The following PLPPR1 variants were observed in gnomAD, a reference collection of about 807,000 sequenced individuals.
PLPPR1 encodes phospholipid phosphatase-related protein type 1.
Under a neutral mutation model 33.1 loss-of-function variants are expected in PLPPR1, and 10 were observed. The ratio of observed to expected loss-of-function variants is 0.30; its 90% CI spans 0.19 to 0.51. PLPPR1 has a LOEUF of 0.51. PLPPR1 is among the 20% of genes least tolerant of loss of function. PLPPR1 has a pLI of 0.97. For missense variants in PLPPR1, 304 were observed against 408.1 expected, an observed-to-expected ratio of 0.74 and a Z score of 2.20; for synonymous variants, 151 against 151.0, an observed-to-expected ratio of 1.00 and a Z score of 0.00.
chr9:101,275,205 T>G (rs1392278159), intron 3 of PLPPR1, among the ~76,000 whole-genome samples: 1 of 152,210 alleles, frequency 6.6e-6, no homozygotes, highest in Non-Finnish European at 1.5e-5. Flanking sequence ...TGGACTTGTC[T>G]GTCCTTGGTT....
At position 101,135,927 on chromosome 9, in the gene PLPPR1, T is replaced by C. The variant is rs116144983; in HGVS notation, c.-45-49523T>C. 3.8e-3 allele frequency among the ~76,000 whole-genome samples: 572 copies of C among 152,324 alleles called. 1 individual carries two copies. Among genetic ancestry groups the C allele is most frequent in the African/African-American group, 0.013 (543 of 41,570 alleles). The stretch of plus-strand genomic sequence containing the variant: ...TGTCCATTAACACACCCAAGGTTTA[T>C]TTTAGATGGCTATGCTGGGAAGAGG... On this transcript the variant is annotated intron_variant, in intron 1 of 7. Transcript: ENST00000374874.
chr9:101,238,532 A>G (rs1189244887), intron 2 of PLPPR1, among the ~76,000 whole-genome samples: 1 of 151,430 alleles, frequency 6.6e-6, no homozygotes, highest in Non-Finnish European at 1.5e-5. Flanking sequence ...TAACTCAGAA[A>G]CAAAGTCAAA....
At chr9:101,057,285 A>G (rs1830289609) in intron 1 of PLPPR1, among the ~76,000 whole-genome samples, 1 of 152,188 alleles carries the variant, frequency 6.6e-6, no homozygotes, top group Admixed American at 6.5e-5. Context: ...ATAAGGATGA[A>G]AAACGTGATT....
intron 2 of PLPPR1, among the ~76,000 whole-genome samples, chr9:101,228,831 G>A (rs1210860827): frequency 6.6e-6 from 1 of 152,224 alleles, no homozygotes; most frequent in East Asian, 1.9e-4. Context: ...TTTTGGGAGA[G>A]TAGATTGACT....
intron 2 of PLPPR1, among the ~76,000 whole-genome samples, chr9:101,206,322 T>C (rs553921274): frequency 6.6e-6 from 1 of 152,356 alleles, no homozygotes; most frequent in East Asian, 1.9e-4. Flanking sequence ...TCCAGGTTCA[T>C]ACTCTCAACC....
intron 2 of PLPPR1, among the ~76,000 whole-genome samples, chr9:101,217,222 C>T (rs1286597386): frequency 1.3e-5 from 2 of 151,704 alleles, no homozygotes; most frequent in Admixed American, 6.6e-5. Context: ...GATTCTATCA[C>T]ATTAAAAAAA....
At chr9:101,219,062 T>G (rs533445185) in intron 2 of PLPPR1, among the ~76,000 whole-genome samples, 1 of 152,198 alleles carries the variant, frequency 6.6e-6, no homozygotes, top group Non-Finnish European at 1.5e-5. Context: ...AAACCGGCCA[T>G]GTCATGAACA....
chr9:101,070,320 A>G (rs926163681), intron 1 of PLPPR1, among the ~76,000 whole-genome samples: 6 of 152,138 alleles, frequency 3.9e-5, no homozygotes, highest in African/African-American at 1.4e-4. Context: ...TTATAATCCA[A>G]TACTACTATA....
chr9:101,198,840 T>A (rs1053242851), intron 2 of PLPPR1, among the ~76,000 whole-genome samples: 1 of 152,118 alleles, frequency 6.6e-6, no homozygotes, highest in African/African-American at 2.4e-5. Context: ...AGGCTGGAGC[T>A]TAGAGGATGA....
intron 1 of PLPPR1, among the ~76,000 whole-genome samples, chr9:101,082,676 T>C (rs1830635299): frequency 6.6e-6 from 1 of 152,206 alleles, no homozygotes; most frequent in Non-Finnish European, 1.5e-5. Context: ...ACGATAATGC[T>C]GGTATACTGA....
At chr9:101,135,471 A>T in intron 1 of PLPPR1, among the ~76,000 whole-genome samples, 1 of 152,082 alleles carries the variant, frequency 6.6e-6, no homozygotes, top group East Asian at 1.9e-4. Context: ...TAAATGGTCC[A>T]GTTTTGTTTT....
intron 2 of PLPPR1, among the ~76,000 whole-genome samples, chr9:101,233,854 G>A (rs2118826626): frequency 6.6e-6 from 1 of 152,034 alleles, no homozygotes; most frequent in East Asian, 1.9e-4. Context: ...TTGCATTGGA[G>A]GGTATGAGGA....
In PLPPR1 at chr9:101,314,495, G is replaced by A. The variant is rs542179723; in HGVS notation, c.813+1521G>A. Among the ~76,000 whole-genome samples the A allele has an allele frequency of 4.6e-5, 7 of 152,028 alleles. No individual in the cohort carries two copies. In the South Asian group the frequency reaches 1.5e-3, roughly 32 times the overall value. Reference sequence around the variant, plus strand: ...TTTGGTTCCAGACCATTGCAACAGTGAATATCACAGTAAAGCTAGGCACAC... The same window carrying A: ...TTTGGTTCCAGACCATTGCAACAGTAAATATCACAGTAAAGCTAGGCACAC... On this transcript the variant is annotated intron_variant, in intron 6 of 7. Transcript: ENST00000374874.
At chr9:101,085,355 C>G (rs1830663718) in intron 1 of PLPPR1, among the ~76,000 whole-genome samples, 1 of 152,126 alleles carries the variant, frequency 6.6e-6, no homozygotes, top group Admixed American at 6.5e-5. Flanking sequence ...GCTAGTTTAA[C>G]TTCAGTTGCT....
intron 1 of PLPPR1, among the ~76,000 whole-genome samples, chr9:101,056,396 C>T (rs761223996): frequency 1.3e-5 from 2 of 151,842 alleles, no homozygotes; most frequent in African/African-American, 2.4e-5. Flanking sequence ...CAGTTTGGGA[C>T]AAATCCTGAG....
intron 1 of PLPPR1, among the ~76,000 whole-genome samples, chr9:101,084,762 C>T (rs1343086295): frequency 6.6e-6 from 1 of 152,168 alleles, no homozygotes; most frequent in African/African-American, 2.4e-5. Flanking sequence ...AGTGCCTATC[C>T]TTAAGAAATT....
chr9:101,236,613 C>CT (rs1173094718), intron 2 of PLPPR1, among the ~76,000 whole-genome samples: 1 of 149,438 alleles, frequency 6.7e-6, no homozygotes, highest in Non-Finnish European at 1.5e-5. Context: ...CTTTTTTTTC[C>CT]TTTTTTAGTT....
chr9:101,046,413 A>AT lies in PLPPR1; in HGVS notation c.-46+17316dup, dbSNP rs1343452604. Among the ~76,000 whole-genome samples the AT allele has an allele frequency of 1.7e-4, 23 of 135,900 alleles. No individual in the cohort carries two copies. The East Asian group carries it at 4.2e-3, about 25-fold the overall frequency. The allele number at this position is 135,900 out of a possible 152,430, so 89.2% of individuals were successfully genotyped here. A position where few individuals can be genotyped will look rare whatever the true frequency, so the allele number is the denominator to read the frequency against. ...TTTTCCTTCTCCATCATCTGCTCCA[A>AT]TTTTTCTTTACCTCTTTTATTCTTT... On this transcript the variant is annotated intron_variant, in intron 1 of 7. Transcript: ENST00000374874.
chr9:101,139,994 A>T (rs1309985826), intron 1 of PLPPR1, among the ~76,000 whole-genome samples: 1 of 152,204 alleles, frequency 6.6e-6, no homozygotes, highest in Non-Finnish European at 1.5e-5. Flanking sequence ...TGCTCACAGG[A>T]ACAAGTGGAA....
Sources: allele counts gnomAD v4.1 joint callset (sites outside exome capture counted in the v4.1 genomes callset), GRCh38; gene constraint gnomAD v4.1.1; transcripts MANE v1.5; gene names NCBI Gene and HGNC (gene_info 2026-07-23, HGNC 2026-07-21).